Variants in SDK1 observed in about 807,000 individuals in gnomAD.
SDK1 encodes the protein sidekick cell adhesion molecule 1.
Under a neutral mutation model 245.5 loss-of-function variants are expected in SDK1, and 157 were observed. The observed-to-expected ratio is 0.64, with a 90% CI of 0.56 to 0.73. SDK1 has a LOEUF of 0.73. SDK1 is among the 30% of genes least tolerant of loss of function. The probability of loss-of-function intolerance (pLI) is 0.00; values close to 1 mark genes in which losing one functional copy is unlikely to be tolerated. For synonymous variants in SDK1, 1,647 were observed against 1,278.5 expected (o/e 1.29, Z -6.15); for missense variants, 3,583 against 3,002.3 (o/e 1.19, Z -4.52).
rs570908253 is a variant in SDK1 at position 3,967,739 on chromosome 7, G to T, written c.1546+305G>T. ...CTTGGCATGCATAGTTCACTGGAGG[G>T]TGTGCGTTCCTATGAGAATCTAATG... On this transcript the variant is annotated intron_variant, in intron 10 of 44. Coordinates refer to ENST00000404826, the MANE Select transcript of SDK1 (RefSeq NM_152744.4). Among the ~76,000 whole-genome samples the T allele has an allele frequency of 2.0e-5, 3 of 152,146 alleles. No individual in the cohort carries two copies. In the South Asian group the frequency reaches 6.2e-4, roughly 31 times the overall value.
At chr7:4,102,620 A>C (rs1782629522) in intron 22 of SDK1, among the ~76,000 whole-genome samples, 1 of 152,096 alleles carries the variant, frequency 6.6e-6, no homozygotes, top group Non-Finnish European at 1.5e-5. Flanking sequence ...TGGCCTCCGG[A>C]GTGCTGAGCT....
At chr7:3,675,687 C>T (rs1783870776) in intron 4 of SDK1, among the ~76,000 whole-genome samples, 1 of 152,144 alleles carries the variant, frequency 6.6e-6, no homozygotes, top group Admixed American at 6.6e-5. Flanking sequence ...CATCCACTTA[C>T]CTCAGCCACT....
intron 1 of SDK1, among the ~76,000 whole-genome samples, chr7:3,605,145 A>ACACACACACACACACACACAC (rs1781380235): frequency 6.8e-6 from 1 of 147,316 alleles, no homozygotes; most frequent in African/African-American, 2.5e-5. Flanking sequence ...AAAAACAAGA[A>ACACACACACACACACACACAC]ACACACACAC....
intron 1 of SDK1, among the ~76,000 whole-genome samples, chr7:3,336,035 G>T (rs1780191274): frequency 6.6e-6 from 1 of 152,104 alleles, no homozygotes; most frequent in African/African-American, 2.4e-5. Flanking sequence ...CACTGCAGAA[G>T]CCTCCATCCC....
chr7:3,591,069 C>T (rs140683868), intron 1 of SDK1, among the ~76,000 whole-genome samples: 2 of 152,256 alleles, frequency 1.3e-5, no homozygotes, highest in East Asian at 3.9e-4. Flanking sequence ...ATATGATAAT[C>T]ATTCTTTAAT....
chr7:4,110,032 G>T (rs576918331), intron 22 of SDK1, among the ~76,000 whole-genome samples: 1 of 152,232 alleles, frequency 6.6e-6, no homozygotes, highest in Non-Finnish European at 1.5e-5. Flanking sequence ...CTGTTGAAGG[G>T]AGTGGCTCTT....
intron 4 of SDK1, among the ~76,000 whole-genome samples, chr7:3,697,068 G>A (rs1413244495): frequency 6.6e-6 from 1 of 152,158 alleles, no homozygotes; most frequent in African/African-American, 2.4e-5. Flanking sequence ...AATATGAAAG[G>A]CATGTTTTAT....
intron 22 of SDK1, among the ~76,000 whole-genome samples, chr7:4,086,952 G>C (rs1584082562): frequency 6.6e-6 from 1 of 150,796 alleles, no homozygotes; most frequent in Admixed American, 6.6e-5. Flanking sequence ...AAACTTCCCA[G>C]ACATTGCCAA....
Position 4,124,265 on chromosome 7 carries a change from G to A in SDK1, c.3824-3116G>A, listed in dbSNP as rs190925554. Among the ~76,000 whole-genome samples the A allele has an allele frequency of 1.1e-3, 161 of 152,344 alleles. 2 individuals carry two copies. The highest frequency in any genetic ancestry group is 3.6e-3 in the African/African-American group (149 of 41,584). ...ACGGGGTGGCTTAAATGACAGAAATGTTTTCTGTTACCATTCTGGAAGGTG... is the reference window on the plus strand; with the variant it reads ...ACGGGGTGGCTTAAATGACAGAAATATTTTCTGTTACCATTCTGGAAGGTG... On this transcript the variant is annotated intron_variant, in intron 25 of 44. Transcript: ENST00000404826.
chr7:3,786,389 T>C (rs1780900561), intron 4 of SDK1, among the ~76,000 whole-genome samples: 1 of 152,208 alleles, frequency 6.6e-6, no homozygotes. Context: ...ACAGGGCATT[T>C]TGTAGCTTTT....
At chr7:3,647,131 C>G (rs1782863748) in intron 4 of SDK1, among the ~76,000 whole-genome samples, 1 of 152,220 alleles carries the variant, frequency 6.6e-6, no homozygotes, top group Non-Finnish European at 1.5e-5. Flanking sequence ...CACACCTGTA[C>G]TCCCAGCGCT....
At chr7:3,337,048 C>G (rs1213054784) in intron 1 of SDK1, among the ~76,000 whole-genome samples, 1 of 152,178 alleles carries the variant, frequency 6.6e-6, no homozygotes, top group African/African-American at 2.4e-5. Context: ...ACAGATCACT[C>G]ATACCAAGAT....
At chr7:3,759,125 T>C (rs544421169) in intron 4 of SDK1, among the ~76,000 whole-genome samples, 1 of 152,212 alleles carries the variant, frequency 6.6e-6, no homozygotes, top group Non-Finnish European at 1.5e-5. Flanking sequence ...CCAACCAAAA[T>C]ACAGGCTTTA....
chr7:3,956,700 G>C (rs1034646406), intron 7 of SDK1, among the ~76,000 whole-genome samples: 5 of 152,244 alleles, frequency 3.3e-5, no homozygotes, highest in East Asian at 1.9e-4. Context: ...AGAGTGTGGA[G>C]TGGGATGAGT....
intron 1 of SDK1, among the ~76,000 whole-genome samples, chr7:3,384,841 T>C (rs1320335003): frequency 6.6e-6 from 1 of 152,214 alleles, no homozygotes; most frequent in Non-Finnish European, 1.5e-5. Context: ...TGTATTTTTA[T>C]TTTACTTACT....
intron 20 of SDK1, among the ~76,000 whole-genome samples, chr7:4,069,551 G>C (rs930233986): frequency 3.3e-5 from 5 of 152,228 alleles, no homozygotes; most frequent in African/African-American, 9.6e-5. Flanking sequence ...AGCGTTCTCA[G>C]CTGCCTGCGG....
At chr7:3,833,311 G>C (rs1779955980) in intron 5 of SDK1, among the ~76,000 whole-genome samples, 1 of 152,114 alleles carries the variant, frequency 6.6e-6, no homozygotes, top group Admixed American at 6.6e-5. Context: ...ATTTTGTTGA[G>C]GTGTGTCCCA....
intron 40 of SDK1, among the ~76,000 whole-genome samples, chr7:4,225,693 G>A (rs961804696): frequency 6.6e-6 from 1 of 152,092 alleles, no homozygotes; most frequent in Non-Finnish European, 1.5e-5. Flanking sequence ...CTGGGCCCAC[G>A]CCTCAGAGTG....
At chr7:3,623,621 C>T (rs1209089855) in intron 2 of SDK1, among the ~76,000 whole-genome samples, 1 of 152,098 alleles carries the variant, frequency 6.6e-6, no homozygotes, top group Non-Finnish European at 1.5e-5. Context: ...GACGGTAATT[C>T]AGCAATTAAA....
Sources: gnomAD v4.1 joint callset for allele counts (sites outside exome capture counted in the v4.1 genomes callset) on GRCh38, gnomAD v4.1.1 for gene constraint, MANE v1.5 for transcripts, NCBI Gene and HGNC (gene_info 2026-07-23, HGNC 2026-07-21) for gene names.